The following PCNX1 variants were observed in gnomAD, a reference collection of about 807,000 sequenced individuals.
PCNX1 encodes the protein pecanex 1, also known as pecanex-like protein 1.
In PCNX1, 78 loss-of-function variants were observed where a neutral mutation model predicts 242.2. That is an observed-to-expected ratio of 0.32 (90% CI 0.27 to 0.39). The LOEUF (loss-of-function observed/expected upper bound fraction) is 0.39. Among genes scored for constraint, PCNX1 ranks in the 10% least tolerant of loss-of-function variants. The pLI is 1.00. For missense variants in PCNX1, 2,581 were observed against 2,856.5 expected (o/e 0.90, Z 2.20); for synonymous variants, 1,024 against 1,032.9 (o/e 0.99, Z 0.17).
At chr14:71,016,623 AAAT>A (rs1388662324) in intron 11 of PCNX1, among the ~76,000 whole-genome samples, 1 of 152,212 alleles carries the variant, frequency 6.6e-6, no homozygotes, top group Non-Finnish European at 1.5e-5. Context: ...AAACACTTCT[AAAT>A]AACCCATGGA....
chr14:70,958,927 A>G (rs1226808300), intron 2 of PCNX1, among the ~76,000 whole-genome samples: 2 of 63,490 alleles, frequency 3.2e-5, no homozygotes, highest in Admixed American at 4.2e-4. Flanking sequence ...TTTTTTTTAC[A>G]TAATCAGGAG....
At position 70,977,343 on chromosome 14, in the gene PCNX1, T is replaced by G; in HGVS notation, c.1006T>G (p.Ser336Ala). 6.2e-7 allele frequency: 1 copy of G among 1,614,172 alleles called. No individual in the cohort carries two copies. Among genetic ancestry groups the G allele is most frequent in the Non-Finnish European group, 8.5e-7 (1 of 1,180,026 alleles). Residue 336 changes from serine (S) to alanine (A), a missense_variant, in exon 6 of 36, where the codon TCT becomes GCT. Ser to Ala is a moderately conservative substitution (Grantham distance 99). Coordinates refer to ENST00000304743, the MANE Select transcript of PCNX1 (RefSeq NM_014982.3). ...KESLVENSGL[S>A]GEFQLAGDLK... ...ATCCTTGGTGGAAAATTCTGGTTTA[T>G]CTGGGGAATTTCAGCTTGCTGGTGA...
chr14:70,989,565 T>C (rs995104672), intron 7 of PCNX1, among the ~76,000 whole-genome samples: 1 of 147,508 alleles, frequency 6.8e-6, no homozygotes, highest in Non-Finnish European at 1.5e-5. Context: ...TGAGACACTC[T>C]GTTGCCCAGG....
At chr14:71,071,951 G>A (rs1234481083) in intron 26 of PCNX1, among the ~76,000 whole-genome samples, 1 of 152,218 alleles carries the variant, frequency 6.6e-6, no homozygotes, top group East Asian at 1.9e-4. Context: ...TGGCTGGTCA[G>A]TGGAGCAGTC....
Position 71,011,716 on chromosome 14 carries a change from A to C in PCNX1, c.2778+167A>C. On this transcript the variant is annotated intron_variant, in intron 10 of 35. Transcript: ENST00000304743. ...TGCCCTCCAGTGGCTCTCTTTTTCT[A>C]AGTCCTTTGATAAGAAACAAAAGTA... is the stretch of plus-strand genomic sequence containing the variant. 14 of 583,904 alleles carry C rather than the reference A, an allele frequency of 2.4e-5. No individual in the cohort carries two copies. In the South Asian group the frequency reaches 3.1e-4, roughly 13 times the overall value. 36.2% of individuals were successfully genotyped at this position (583,904 alleles called of 1,614,324 possible). A position where few individuals can be genotyped will look rare whatever the true frequency, so the allele number is the denominator to read the frequency against.
chr14:71,088,278 G>T, intron 28 of PCNX1, 52 bp from the exon 29 acceptor site: 1 of 1,023,494 alleles, frequency 9.8e-7, no homozygotes. Context: ...TTTATGATTT[G>T]TTAAATACTT....
intron 1 of PCNX1, among the ~76,000 whole-genome samples, chr14:70,926,464 CAA>C (rs1680235728): frequency 6.6e-6 from 1 of 152,144 alleles, no homozygotes. Context: ...TAAATAGCAG[CAA>C]GAGAAGCACT....
Position 71,104,187 on chromosome 14 carries a change from T to TC in PCNX1, c.6095+518_6095+519insC, listed in dbSNP as rs1214615408. Among the ~76,000 whole-genome samples the TC allele has an allele frequency of 2.0e-5, 3 of 152,212 alleles. No individual in the cohort carries two copies. The East Asian group carries it at 5.8e-4, about 29-fold the overall frequency. ...TTTTCAAATATTCACATGATTTTTT[T>TC]TCTCTGTCTTTTGTCTAGTAAATTA... On this transcript the variant is annotated intron_variant, in intron 32 of 35. Coordinates refer to ENST00000304743, the MANE Select transcript of PCNX1 (RefSeq NM_014982.3).
intron 28 of PCNX1, among the ~76,000 whole-genome samples, chr14:71,084,322 A>G (rs2061930377): frequency 2.0e-5 from 3 of 152,194 alleles, no homozygotes; most frequent in Non-Finnish European, 4.4e-5. Context: ...CAGGATGCAC[A>G]GGGGTCAGGG....
intron 14 of PCNX1, 72 bp from the exon 15 acceptor site, chr14:71,026,700 T>G: frequency 1.6e-6 from 1 of 620,450 alleles, no homozygotes; most frequent in Non-Finnish European, 2.7e-6. Context: ...TTTTAAAAAT[T>G]ATGACCTCTC....
At chr14:70,912,705 T>C (rs1434647836) in intron 1 of PCNX1, among the ~76,000 whole-genome samples, 1 of 152,152 alleles carries the variant, frequency 6.6e-6, no homozygotes, top group Non-Finnish European at 1.5e-5. Context: ...AAATATTCTT[T>C]AAAGATTTTC....
intron 16 of PCNX1, among the ~76,000 whole-genome samples, chr14:71,030,181 C>T (rs550278476): frequency 4.8e-4 from 73 of 152,270 alleles, no homozygotes; most frequent in Non-Finnish European, 9.1e-4. Context: ...AATCTCCTAA[C>T]CTGTTTTACC....
chr14:70,957,396 G>A (rs1410194551), intron 2 of PCNX1, among the ~76,000 whole-genome samples: 1 of 152,150 alleles, frequency 6.6e-6, no homozygotes, highest in Non-Finnish European at 1.5e-5. Context: ...GTTGATGACT[G>A]GATAAACAAA....
At chr14:70,938,309 A>G (rs369595673) in intron 1 of PCNX1, among the ~76,000 whole-genome samples, 1,959 of 152,252 alleles carry the variant, frequency 0.013, 17 homozygotes, top group African/African-American at 0.022. Context: ...ACGTCCCATC[A>G]ATACCTAATT....
chr14:70,994,094 ATCC>A (rs2059252879), intron 7 of PCNX1, among the ~76,000 whole-genome samples: 1 of 152,052 alleles, frequency 6.6e-6, no homozygotes, highest in Non-Finnish European at 1.5e-5. Flanking sequence ...GTGCATTCCT[ATCC>A]TCTGCCTGGA....
intron 1 of PCNX1, among the ~76,000 whole-genome samples, chr14:70,938,713 C>A (rs1276404883): frequency 6.6e-6 from 1 of 152,132 alleles, no homozygotes; most frequent in Admixed American, 6.5e-5. Flanking sequence ...GGTACCAGTT[C>A]CTCCTTATAC....
chr14:71,058,857 A>G (rs1328406988), intron 26 of PCNX1, among the ~76,000 whole-genome samples: 1 of 152,124 alleles, frequency 6.6e-6, no homozygotes, highest in South Asian at 2.1e-4. Context: ...TTCTTGCCTT[A>G]TGAATATTTG....
chr14:71,077,579 C>G (rs2061749787), intron 28 of PCNX1, among the ~76,000 whole-genome samples: 3 of 152,004 alleles, frequency 2.0e-5, no homozygotes, highest in Admixed American at 2.0e-4. Context: ...TGAGCAGTGG[C>G]CTTTGAGCTT....
intron 1 of PCNX1, among the ~76,000 whole-genome samples, chr14:70,921,461 G>A (rs1041370981): frequency 5.3e-5 from 8 of 152,028 alleles, no homozygotes; most frequent in African/African-American, 1.2e-4. Flanking sequence ...TTGAATTTTT[G>A]TAGAGATAAG....
Sources: gnomAD v4.1 joint callset for allele counts (sites outside exome capture counted in the v4.1 genomes callset) on GRCh38, gnomAD v4.1.1 for gene constraint, MANE v1.5 for transcripts, NCBI Gene and HGNC (gene_info 2026-07-23, HGNC 2026-07-21) for gene names.